GALNT17: variants seen among roughly 807,000 people sequenced by gnomAD.
The protein encoded by GALNT17 is polypeptide N-acetylgalactosaminyltransferase 17.
Under a neutral mutation model 63.7 loss-of-function variants are expected in GALNT17, and 29 were observed. The ratio of observed to expected loss-of-function variants is 0.46; its 90% CI spans 0.34 to 0.62. GALNT17 has a LOEUF of 0.62. Ranked by LOEUF, GALNT17 falls within the 20% of genes least tolerant of loss-of-function variation. GALNT17 has a pLI of 0.01. For missense variants in GALNT17, 603 were observed against 799.6 expected (o/e 0.75, Z 2.97); for synonymous variants, 305 against 318.3 (o/e 0.96, Z 0.45).
At chr7:71,421,672 G>A (rs1299928716) in intron 5 of GALNT17, among the ~76,000 whole-genome samples, 7 of 152,108 alleles carry the variant, frequency 4.6e-5, no homozygotes, top group African/African-American at 7.2e-5. Flanking sequence ...GGTTGAGGCC[G>A]GGCCTGGTAG....
intron 6 of GALNT17, among the ~76,000 whole-genome samples, chr7:71,650,003 A>G (rs910550748): frequency 3.9e-5 from 6 of 152,348 alleles, no homozygotes; most frequent in Admixed American, 2.0e-4. Flanking sequence ...GATGGTGGCC[A>G]ATGTGCAGAT....
At chr7:71,373,357 A>C (rs1188829004) in intron 2 of GALNT17, among the ~76,000 whole-genome samples, 1 of 152,152 alleles carries the variant, frequency 6.6e-6, no homozygotes, top group Non-Finnish European at 1.5e-5. Flanking sequence ...GGTGTGACTC[A>C]GGTCAGCTGG....
chr7:71,201,435 A>G (rs1405570465), intron 1 of GALNT17, among the ~76,000 whole-genome samples: 1 of 151,818 alleles, frequency 6.6e-6, no homozygotes, highest in African/African-American at 2.4e-5. Context: ...TGTTATACAC[A>G]TTCAAAACTC....
At chr7:71,410,550 G>A (rs538004200) in intron 3 of GALNT17, among the ~76,000 whole-genome samples, 2 of 152,264 alleles carry the variant, frequency 1.3e-5, no homozygotes, top group Non-Finnish European at 2.9e-5. Context: ...CCAGCCTCCT[G>A]ATTAATTTTA....
chr7:71,653,094 C>T (rs1036532088), intron 6 of GALNT17, among the ~76,000 whole-genome samples: 2 of 152,200 alleles, frequency 1.3e-5, no homozygotes, highest in Non-Finnish European at 2.9e-5. Flanking sequence ...CGGCTCACTG[C>T]AACCTCTGCT....
At chr7:71,510,683 A>C (rs1788342061) in intron 5 of GALNT17, among the ~76,000 whole-genome samples, 1 of 152,156 alleles carries the variant, frequency 6.6e-6, no homozygotes, top group Non-Finnish European at 1.5e-5. Flanking sequence ...CATTCTTCTC[A>C]TTCAGGGGTC....
chr7:71,397,036 A>G (rs943952156), intron 3 of GALNT17, among the ~76,000 whole-genome samples: 3 of 152,152 alleles, frequency 2.0e-5, no homozygotes, highest in Non-Finnish European at 2.9e-5. Context: ...AGCTTTCTAT[A>G]TAGAATATTG....
chr7:71,699,776 T>G (rs969940766), intron 9 of GALNT17, among the ~76,000 whole-genome samples: 5 of 151,248 alleles, frequency 3.3e-5, no homozygotes, highest in African/African-American at 1.2e-4. Context: ...TCTATGATTT[T>G]TTTTTAAATA....
At chr7:71,513,158 T>C (rs1189959251) in intron 5 of GALNT17, among the ~76,000 whole-genome samples, 1 of 152,190 alleles carries the variant, frequency 6.6e-6, no homozygotes, top group Non-Finnish European at 1.5e-5. Flanking sequence ...CAAGGAACCC[T>C]GAATTCCAAC....
intron 1 of GALNT17, among the ~76,000 whole-genome samples, chr7:71,244,182 T>A (rs1790053347): frequency 6.6e-6 from 1 of 152,228 alleles, no homozygotes. Context: ...CCTGCCTGGC[T>A]GCACAGGCAC....
chr7:71,337,018 A>G (rs1387530823), intron 2 of GALNT17, among the ~76,000 whole-genome samples: 5 of 151,958 alleles, frequency 3.3e-5, no homozygotes, highest in Admixed American at 1.3e-4. Context: ...TTACTTTTTA[A>G]TGATAATCAT....
At chr7:71,341,097 C>G (rs531688483) in intron 2 of GALNT17, among the ~76,000 whole-genome samples, 1 of 152,158 alleles carries the variant, frequency 6.6e-6, no homozygotes, top group South Asian at 2.1e-4. Flanking sequence ...GACCTGTAGT[C>G]CTAGCTATTC....
chr7:71,240,933 G>A (rs1789985059), intron 1 of GALNT17, among the ~76,000 whole-genome samples: 1 of 152,116 alleles, frequency 6.6e-6, no homozygotes, highest in African/African-American at 2.4e-5. Flanking sequence ...CAAAGTGCTG[G>A]GATTACAGGT....
intron 1 of GALNT17, among the ~76,000 whole-genome samples, chr7:71,151,871 GTTAGTT>G (rs1788141838): frequency 6.6e-6 from 1 of 152,078 alleles, no homozygotes; most frequent in Non-Finnish European, 1.5e-5. Flanking sequence ...AACTGAAAAG[GTTAGTT>G]TAAGCATTAG....
intron 5 of GALNT17, among the ~76,000 whole-genome samples, chr7:71,453,262 A>C (rs1357594955): frequency 6.6e-6 from 1 of 152,208 alleles, no homozygotes; most frequent in Non-Finnish European, 1.5e-5. Flanking sequence ...ATTATAACCC[A>C]GTTCACCAGC....
At chr7:71,316,511 T>A (rs111860475) in intron 1 of GALNT17, among the ~76,000 whole-genome samples, 141 of 152,258 alleles carry the variant, frequency 9.3e-4, no homozygotes, top group Non-Finnish European at 1.6e-3. Context: ...TTGATTATTG[T>A]GAGGTTTGCA....
chr7:71,492,783 CATT>C (rs1343537235), intron 5 of GALNT17, among the ~76,000 whole-genome samples: 1 of 152,168 alleles, frequency 6.6e-6, no homozygotes, highest in African/African-American at 2.4e-5. Flanking sequence ...TGTTCTCCAT[CATT>C]ATTCCCTTTT....
At chr7:71,277,683 C>T (rs1790707214) in intron 1 of GALNT17, among the ~76,000 whole-genome samples, 1 of 152,140 alleles carries the variant, frequency 6.6e-6, no homozygotes, top group African/African-American at 2.4e-5. Flanking sequence ...TGCATCACAG[C>T]CTGCCTGAAA....
At chr7:71,310,652 C>T (rs73700690) in intron 1 of GALNT17, among the ~76,000 whole-genome samples, 3 of 152,288 alleles carry the variant, frequency 2.0e-5, no homozygotes, top group African/African-American at 7.2e-5. Flanking sequence ...TGTATCCTAA[C>T]CCCAGCATCT....
Sources: allele counts gnomAD v4.1 joint callset (sites outside exome capture counted in the v4.1 genomes callset), GRCh38; gene constraint gnomAD v4.1.1; transcripts MANE v1.5; gene names NCBI Gene and HGNC (gene_info 2026-07-23, HGNC 2026-07-21).